The following DYNC2H1 variants were observed in gnomAD, a reference collection of about 807,000 sequenced individuals.
DYNC2H1 encodes cytoplasmic dynein 2 heavy chain 1.
DYNC2H1 carries 410 observed loss-of-function variants against 570.0 expected under a neutral mutation model. That is an observed-to-expected ratio of 0.72 (90% CI 0.66 to 0.78). The LOEUF (loss-of-function observed/expected upper bound fraction) is 0.78, where lower values mean the gene tolerates loss of function less well. DYNC2H1 is among the 30% of genes least tolerant of loss of function. The probability of loss-of-function intolerance (pLI) is 0.00; values close to 1 mark genes in which losing one functional copy is unlikely to be tolerated. For missense variants in DYNC2H1, 4,865 were observed against 5,046.4 expected (o/e 0.96, Z 1.09); for synonymous variants, 1,688 against 1,677.6 (o/e 1.01, Z -0.15).
At chr11:103,121,082 G>T (rs1171383321) in intron 9 of DYNC2H1, 46 bp downstream of exon 9, 2 of 1,260,336 alleles carry the variant, frequency 1.6e-6, no homozygotes, top group Non-Finnish European at 2.1e-6. Flanking sequence ...GAATATTTTT[G>T]TATATTACTT....
chr11:103,224,920 T>A (rs1219671897), intron 59 of DYNC2H1, among the ~76,000 whole-genome samples: 2 of 152,186 alleles, frequency 1.3e-5, no homozygotes, highest in African/African-American at 2.4e-5. Flanking sequence ...CTATACTTTT[T>A]TAATTTTTTT....
chr11:103,330,394 T>G (rs1239534763), intron 82 of DYNC2H1, among the ~76,000 whole-genome samples: 1 of 151,682 alleles, frequency 6.6e-6, no homozygotes, highest in Non-Finnish European at 1.5e-5. Flanking sequence ...TGAAGAAATC[T>G]TTAAAGCAGA....
In DYNC2H1 at chr11:103,440,460, C is replaced by T. The variant is rs561203727; in HGVS notation, c.12456+4428C>T. ...GCTGAACTCAAGCCAGTGGCTGGTA[C>T]GTTGCTCTACTACCAAATCCTGCCA... On this transcript the variant is annotated intron_variant, in intron 85 of 88. Transcript: ENST00000375735. Among the ~76,000 whole-genome samples the T allele has an allele frequency of 1.1e-4, 16 of 152,274 alleles. 1 individual carries two copies. In the South Asian group the frequency reaches 2.3e-3, roughly 22 times the overall value.
rs919377385 is a variant in DYNC2H1 at position 103,358,175 on chromosome 11, C to A, written c.12040-68C>A. 8.1e-6 allele frequency: 7 copies of A among 859,070 alleles called. No homozygotes were observed. The Middle Eastern group carries it at 7.3e-4, about 90-fold the overall frequency. The allele number at this position is 859,070 out of a possible 1,614,324, so 53.2% of individuals were successfully genotyped here. Reference sequence around the variant, plus strand: ...TAAAACAAAATGTCTGTTTTTGTACCTATGTTCTTTCTTCCTGTTCGGCTG... The same window carrying A: ...TAAAACAAAATGTCTGTTTTTGTACATATGTTCTTTCTTCCTGTTCGGCTG... On this transcript the variant is annotated intron_variant, in intron 82 of 88. Transcript: ENST00000375735.
chr11:103,155,339 T>C lies in DYNC2H1; in HGVS notation c.3582T>C (p.Ile1194=), dbSNP rs1319710175. The C allele has an allele frequency of 1.2e-6, 2 of 1,601,798 alleles. No homozygotes were observed. Among genetic ancestry groups the C allele is most frequent in the Non-Finnish European group, 8.5e-7 (1 of 1,176,134 alleles). The change falls in exon 25 of 89, where the codon ATT becomes ATC. Residue 1194 remains isoleucine (I), a synonymous_variant. Coordinates refer to ENST00000375735, the MANE Select transcript of DYNC2H1 (RefSeq NM_001377.3). ...QSEVDKYKIV[I]PILKYVRGEH... The stretch of plus-strand genomic sequence containing the variant: ...TTTTTTTTTTGTAACAGATCGTAAT[T>C]CCTATCTTGAAATATGTGAGAGGGG...
chr11:103,257,079 A>G (rs1865086579), intron 68 of DYNC2H1, among the ~76,000 whole-genome samples: 3 of 152,148 alleles, frequency 2.0e-5, no homozygotes. Context: ...CCCCAGTGTA[A>G]TAGTATTAAG....
chr11:103,377,682 T>A (rs934758319), intron 83 of DYNC2H1, among the ~76,000 whole-genome samples: 5 of 152,210 alleles, frequency 3.3e-5, no homozygotes, highest in Admixed American at 6.5e-5. Context: ...CTTCTCCATA[T>A]CTTGGTGGAA....
At chr11:103,112,289 A>C (rs972267491) in intron 1 of DYNC2H1, among the ~76,000 whole-genome samples, 1 of 152,210 alleles carries the variant, frequency 6.6e-6, no homozygotes, top group Non-Finnish European at 1.5e-5. Flanking sequence ...GTAGATGAGA[A>C]AGGAGAATAA....
At chr11:103,456,965 A>G (rs1003538370) in intron 87 of DYNC2H1, among the ~76,000 whole-genome samples, 5 of 152,240 alleles carry the variant, frequency 3.3e-5, no homozygotes, top group African/African-American at 1.2e-4. Context: ...TCCCCAAGAT[A>G]GTTCATTTGT....
At chr11:103,441,108 ATC>A (rs1944253584) in intron 85 of DYNC2H1, among the ~76,000 whole-genome samples, 1 of 152,058 alleles carries the variant, frequency 6.6e-6, no homozygotes, top group African/African-American at 2.4e-5. Context: ...AAGCCCCATT[ATC>A]TCTCTGCTTT....
rs1049194355 is a variant in DYNC2H1 at position 103,118,168 on chromosome 11, G to T, written c.999+305G>T. 3.9e-5 allele frequency among the ~76,000 whole-genome samples: 6 copies of T among 151,996 alleles called. No individual in the cohort carries two copies. In the East Asian group the frequency reaches 1.2e-3, roughly 29 times the overall value. The stretch of plus-strand genomic sequence containing the variant: ...GGCTATTGCAATTGTTTTTAAGTTG[G>T]GACAACTTTTTAAGTGGTATTCAGT... On this transcript the variant is annotated intron_variant, in intron 6 of 88. Transcript: ENST00000375735.
At chr11:103,402,457 G>C (rs532441071) in intron 84 of DYNC2H1, 2 of 152,084 alleles carry the variant, frequency 1.3e-5, no homozygotes, top group Non-Finnish European at 2.9e-5. Flanking sequence ...CAAGCCTAGG[G>C]TTAAAAGAGT....
intron 82 of DYNC2H1, among the ~76,000 whole-genome samples, chr11:103,346,879 AATT>A (rs1245244440): frequency 6.6e-6 from 1 of 152,178 alleles, no homozygotes; most frequent in Non-Finnish European, 1.5e-5. Context: ...TGGTTCAGAC[AATT>A]ATTATCAAAG....
chr11:103,159,354 G>A (rs1206549181), intron 28 of DYNC2H1, among the ~76,000 whole-genome samples: 1 of 152,122 alleles, frequency 6.6e-6, no homozygotes, highest in Non-Finnish European at 1.5e-5. Context: ...GTTAGAAAAA[G>A]GCAGGCAGGC....
Position 103,163,050 on chromosome 11 carries a change from T to C in DYNC2H1, c.4514T>C (p.Leu1505Ser), listed in dbSNP as rs751389035. ...CAGACATGGTTGAATGATTTGGCCT[T>C]AGAAATGAAGAAAACTTTGGAACAG... ...NVETWLNDLA[L>S]EMKKTLEQLL... The change falls in exon 30 of 89, where the codon TTA becomes TCA. Residue 1505 changes from leucine (L) to serine (S), a missense_variant. Around this residue, in one of 5 missense-constraint regions of DYNC2H1, gnomAD observed 1,936 missense variants for 1,962.1 expected, o/e 0.99. Coordinates refer to ENST00000375735, the MANE Select transcript of DYNC2H1 (RefSeq NM_001377.3). The surrounding 1 kb of genome is among the most constrained non-coding windows in gnomAD (Gnocchi z 4.6). The C allele has an allele frequency of 1.9e-6, 3 of 1,612,766 alleles. No homozygotes were observed. Among genetic ancestry groups the C allele is most frequent in the Non-Finnish European group, 2.5e-6 (3 of 1,179,086 alleles).
intron 84 of DYNC2H1, among the ~76,000 whole-genome samples, chr11:103,434,224 C>A (rs1943987439): frequency 6.6e-6 from 1 of 152,056 alleles, no homozygotes; most frequent in African/African-American, 2.4e-5. Context: ...TAGTTTACAC[C>A]AGAACAGTTT....
At chr11:103,168,690 T>C (rs1861435940) in intron 31 of DYNC2H1, 65 bp from the exon 32 acceptor site, 1 of 1,501,174 alleles carries the variant, frequency 6.7e-7, no homozygotes, top group Admixed American at 1.8e-5. Flanking sequence ...GTACACGTAA[T>C]CATAAATTAT....
At position 103,272,198 on chromosome 11, in the gene DYNC2H1, A is replaced by G. The variant is rs545463653; in HGVS notation, c.10696-8150A>G. ...CAAATGTCCATCAGTGATAGACTGGATTAAGCAAATGTGGCACATATACAC... is the reference window on the plus strand; with the variant it reads ...CAAATGTCCATCAGTGATAGACTGGGTTAAGCAAATGTGGCACATATACAC... On this transcript the variant is annotated intron_variant, in intron 70 of 88. Transcript: ENST00000375735. Among the ~76,000 whole-genome samples, 4 of 152,362 alleles carry G rather than the reference A, an allele frequency of 2.6e-5. No homozygotes were observed. In the East Asian group the frequency reaches 5.8e-4, roughly 22 times the overall value.
Position 103,243,795 on chromosome 11 carries a change from T to C in DYNC2H1, c.9918+4T>C. On this transcript the variant is annotated splice_donor_region_variant and intron_variant, in intron 64 of 88. Coordinates refer to ENST00000375735, the MANE Select transcript of DYNC2H1 (RefSeq NM_001377.3). This position sits in a 1 kb window ranked among gnomAD's most constrained non-coding sequence, Gnocchi z 4.8. ...TTTAGAAGTTATCAATCAGCAGGTATGTATTATTTATAATTTACATACCAA... is the reference window on the plus strand; with the variant it reads ...TTTAGAAGTTATCAATCAGCAGGTACGTATTATTTATAATTTACATACCAA... The C allele has an allele frequency of 1.3e-6, 2 of 1,567,582 alleles. No homozygotes were observed. The highest frequency in any genetic ancestry group is 1.7e-6 in the Non-Finnish European group (2 of 1,152,810).
Sources: allele counts gnomAD v4.1 joint callset (sites outside exome capture counted in the v4.1 genomes callset), GRCh38; gene constraint gnomAD v4.1.1; regional missense constraint gnomAD v4.1.1; non-coding constraint Gnocchi (gnomAD v3.1); transcripts MANE v1.5; gene names NCBI Gene and HGNC (gene_info 2026-07-23, HGNC 2026-07-21).